The following LSM14A variants were observed in gnomAD, a reference collection of about 807,000 sequenced individuals.
LSM14A encodes protein LSM14 homolog A.
A neutral mutation model predicts 52.4 loss-of-function variants in LSM14A; 14 were observed. That is an observed-to-expected ratio of 0.27 (90% CI 0.18 to 0.42). LSM14A has a LOEUF of 0.42. Ranked by LOEUF, LSM14A falls within the 10% of genes least tolerant of loss-of-function variation. LSM14A has a pLI of 1.00. For synonymous variants in LSM14A, 185 were observed against 200.3 expected (o/e 0.92, Z 0.64); for missense variants, 417 against 581.8 (o/e 0.72, Z 2.91).
In LSM14A at chr19:34,225,928, G is replaced by A. The variant is rs377312742; in HGVS notation, c.1369-1437G>A. Among the ~76,000 whole-genome samples the A allele has an allele frequency of 9.2e-5, 14 of 152,122 alleles. No homozygotes were observed. In the South Asian group the frequency reaches 2.9e-3, roughly 32 times the overall value. On this transcript the variant is annotated intron_variant, in intron 9 of 9. Transcript: ENST00000544216. ...AAGTTTAAAAATTAGCTGGAGTGGTGGCACATGCCTGTAGTCCCAGCTACT... is the reference window on the plus strand; with the variant it reads ...AAGTTTAAAAATTAGCTGGAGTGGTAGCACATGCCTGTAGTCCCAGCTACT...
chr19:34,181,229 G>T (rs1422904609), intron 1 of LSM14A, among the ~76,000 whole-genome samples: 1 of 151,876 alleles, frequency 6.6e-6, no homozygotes, highest in East Asian at 1.9e-4. Context: ...CTTCCCTAAC[G>T]TATCTTTCTG....
chr19:34,187,243 G>A (rs987603151), intron 1 of LSM14A, among the ~76,000 whole-genome samples: 4 of 148,312 alleles, frequency 2.7e-5, no homozygotes, highest in Non-Finnish European at 6.0e-5. Context: ...ACCAAGACTC[G>A]GTCTCAAAAA....
chr19:34,194,415 T>G, intron 1 of LSM14A, 63 bp from the exon 2 acceptor site: 1 of 1,325,186 alleles, frequency 7.5e-7, no homozygotes, highest in South Asian at 1.2e-5. Context: ...ACATTTAGAA[T>G]CTGGGGTACT....
At chr19:34,204,314 T>C (rs2071524620) in intron 3 of LSM14A, among the ~76,000 whole-genome samples, 1 of 152,150 alleles carries the variant, frequency 6.6e-6, no homozygotes, top group African/African-American at 2.4e-5. Flanking sequence ...AAACTTGAAA[T>C]TAATAAAGTT....
intron 3 of LSM14A, among the ~76,000 whole-genome samples, chr19:34,203,904 TAAA>T (rs199861783): frequency 1.6e-5 from 2 of 126,078 alleles, no homozygotes; most frequent in Admixed American, 8.1e-5. Context: ...AGACTGAATT[TAAA>T]AAAAAAAAAA....
rs1177722225 is a variant in LSM14A, at chr19:34,228,267, C to T, written c.*879C>T. 1 of 152,544 alleles carries T rather than the reference C, an allele frequency of 6.6e-6. No individual in the cohort carries two copies. The highest frequency in any genetic ancestry group is 2.4e-5 in the African/African-American group (1 of 41,408). 9.4% of individuals were successfully genotyped at this position (152,544 alleles called of 1,614,324 possible). ...CTAAAAAGGATTAATTATTCATGCT[C>T]ATTGTAAGAACTTCATTTTGTAGCA... is the stretch of plus-strand genomic sequence containing the variant. On this transcript the variant is annotated 3_prime_UTR_variant, in exon 10 of 10. Transcript: ENST00000544216.
intron 9 of LSM14A, among the ~76,000 whole-genome samples, chr19:34,223,746 A>T (rs2073191353): frequency 6.6e-6 from 1 of 152,260 alleles, no homozygotes; most frequent in Non-Finnish European, 1.5e-5. Context: ...ACATTGAGTC[A>T]GCTTGGTCTG....
intron 8 of LSM14A, among the ~76,000 whole-genome samples, chr19:34,220,338 A>G (rs2072967923): frequency 6.6e-6 from 1 of 152,202 alleles, no homozygotes; most frequent in South Asian, 2.1e-4. Context: ...AGAAGAAATA[A>G]CCATATACTT....
intron 9 of LSM14A, among the ~76,000 whole-genome samples, chr19:34,223,480 T>C (rs372095496): frequency 6.6e-6 from 1 of 152,254 alleles, no homozygotes; most frequent in Non-Finnish European, 1.5e-5. Context: ...TTCCTCAGAC[T>C]GATCTCATCA....
At chr19:34,175,295 A>G (rs532907767) in intron 1 of LSM14A, among the ~76,000 whole-genome samples, 12 of 151,898 alleles carry the variant, frequency 7.9e-5, no homozygotes, top group Non-Finnish European at 1.8e-4. Context: ...CAGTGGCACA[A>G]TCCTGGCTCC....
chr19:34,205,671 G>A (rs1046958375), intron 3 of LSM14A, among the ~76,000 whole-genome samples: 4 of 151,778 alleles, frequency 2.6e-5, no homozygotes, highest in Admixed American at 2.6e-4. Context: ...GACAGAGTGA[G>A]ACCATGTCTC....
intron 4 of LSM14A, among the ~76,000 whole-genome samples, chr19:34,210,599 A>T (rs1260664558): frequency 1.3e-5 from 2 of 148,292 alleles, no homozygotes; most frequent in Non-Finnish European, 3.0e-5. Context: ...AACATTCTAA[A>T]GATTGTTTGT....
intron 1 of LSM14A, among the ~76,000 whole-genome samples, chr19:34,187,938 C>A (rs2070053229): frequency 6.6e-6 from 1 of 151,486 alleles, no homozygotes; most frequent in African/African-American, 2.4e-5. Context: ...ATTAATAAAT[C>A]TTTGGTGTTA....
chr19:34,178,290 C>A (rs187865808), intron 1 of LSM14A, among the ~76,000 whole-genome samples: 1 of 152,250 alleles, frequency 6.6e-6, no homozygotes, highest in Admixed American at 6.5e-5. Context: ...GGTCGATGTG[C>A]CTTATTTTCT....
At chr19:34,205,958 G>T (rs1349469849) in intron 3 of LSM14A, among the ~76,000 whole-genome samples, 1 of 151,910 alleles carries the variant, frequency 6.6e-6, no homozygotes, top group Non-Finnish European at 1.5e-5. Flanking sequence ...AAGAGTAGAC[G>T]TCAGTATAGA....
chr19:34,195,172 T>C (rs2070744340), intron 2 of LSM14A: 1 of 151,808 alleles, frequency 6.6e-6, no homozygotes, highest in African/African-American at 2.4e-5. Flanking sequence ...ATATGCAGTG[T>C]TGGTTTTTGT....
At chr19:34,181,997 T>C (rs905023323) in intron 1 of LSM14A, among the ~76,000 whole-genome samples, 3 of 149,552 alleles carry the variant, frequency 2.0e-5, no homozygotes, top group Admixed American at 6.7e-5. Flanking sequence ...CCTTAATTCC[T>C]CTCTCTCTGT....
At position 34,208,922 on chromosome 19, in the gene LSM14A, C is replaced by T. The variant is rs925297767; in HGVS notation, c.416-7C>T. 8.3e-6 allele frequency: 13 copies of T among 1,570,158 alleles called. No homozygotes were observed. Among genetic ancestry groups the T allele is most frequent in the Non-Finnish European group, 1.1e-5 (13 of 1,159,516 alleles). ...ATTTTTTTATCATTTAAAAACATCT[C>T]TTTAAGCTGGAAGCTCTTTGACATC... On this transcript the variant is annotated splice_polypyrimidine_tract_variant and splice_region_variant and intron_variant, in intron 3 of 9. Transcript: ENST00000544216.
At chr19:34,172,842 C>T (rs1193374438) in intron 1 of LSM14A, 79 bp downstream of exon 1, 1 of 1,441,092 alleles carries the variant, frequency 6.9e-7, no homozygotes, top group Admixed American at 3.2e-5. Context: ...CCGCGGCCTC[C>T]TCGTTCCCTC....
Sources: allele counts gnomAD v4.1 joint callset (sites outside exome capture counted in the v4.1 genomes callset), GRCh38; gene constraint gnomAD v4.1.1; transcripts MANE v1.5; gene names NCBI Gene and HGNC (gene_info 2026-07-23, HGNC 2026-07-21).